The following GPHN variants were observed in gnomAD, a reference collection of about 807,000 sequenced individuals.
The protein encoded by GPHN is gephyrin.
A neutral mutation model predicts 95.5 loss-of-function variants in GPHN; 17 were observed. The observed-to-expected ratio is 0.18, with a 90% CI of 0.12 to 0.27. The LOEUF (loss-of-function observed/expected upper bound fraction) is 0.27, where lower values mean the gene tolerates loss of function less well. Among genes scored for constraint, GPHN ranks in the 10% least tolerant of loss-of-function variants. GPHN has a pLI of 1.00. For synonymous variants in GPHN, 320 were observed against 322.5 expected (o/e 0.99, Z 0.08); for missense variants, 660 against 978.1 (o/e 0.67, Z 4.34).
At chr14:66,933,756 A>G (rs2066950161) in intron 8 of GPHN, among the ~76,000 whole-genome samples, 2 of 152,230 alleles carry the variant, frequency 1.3e-5, no homozygotes, top group South Asian at 2.1e-4. Flanking sequence ...TTAAGAATTA[A>G]GTATTTGCAG....
At chr14:67,380,973 T>C in the GPHN span, among the ~76,000 whole-genome samples, 1 of 152,176 alleles carries the variant, frequency 6.6e-6, no homozygotes. Context: ...GTCTTGTGAG[T>C]TCAGCTAACC....
At chr14:67,058,551 G>A (rs1258998975) in intron 10 of GPHN, 98 bp from the exon 11 acceptor site, 1 of 1,025,536 alleles carries the variant, frequency 9.8e-7, no homozygotes, top group Non-Finnish European at 1.5e-6. Context: ...TCTTCATCTG[G>A]GGACATTTGA....
intron 1 of GPHN, among the ~76,000 whole-genome samples, chr14:66,542,461 A>G (rs982794456): frequency 6.6e-6 from 1 of 152,168 alleles, no homozygotes; most frequent in Non-Finnish European, 1.5e-5. Context: ...TACTCTGTCT[A>G]CCCATCTACC....
At chr14:66,542,253 T>C (rs139490200) in intron 1 of GPHN, among the ~76,000 whole-genome samples, 5 of 152,368 alleles carry the variant, frequency 3.3e-5, no homozygotes, top group South Asian at 2.1e-4. Context: ...AAGTATCAAG[T>C]GAGTCCTTAA....
At chr14:66,521,808 C>A (rs1287088464) in intron 1 of GPHN, among the ~76,000 whole-genome samples, 1 of 152,072 alleles carries the variant, frequency 6.6e-6, no homozygotes, top group Admixed American at 6.6e-5. Flanking sequence ...GGGGGACGCA[C>A]ACATTCAGAC....
chr14:66,602,877 T>C (rs1370591415), intron 1 of GPHN, among the ~76,000 whole-genome samples: 1 of 151,922 alleles, frequency 6.6e-6, no homozygotes, highest in Non-Finnish European at 1.5e-5. Context: ...CAAGAGTTAT[T>C]GAACATTTTG....
chr14:67,503,016 C>A, the GPHN span, among the ~76,000 whole-genome samples: 1 of 152,020 alleles, frequency 6.6e-6, no homozygotes, highest in African/African-American at 2.4e-5. Flanking sequence ...AAGATGAAAC[C>A]AATGTTCAGG....
At chr14:66,684,754 T>A (rs1048558014) in intron 2 of GPHN, among the ~76,000 whole-genome samples, 1 of 152,158 alleles carries the variant, frequency 6.6e-6, no homozygotes, top group African/African-American at 2.4e-5. Context: ...TTTTCTTTTT[T>A]TTTTTTCTTC....
chr14:67,301,743 A>T, the GPHN span, among the ~76,000 whole-genome samples: 1 of 152,182 alleles, frequency 6.6e-6, no homozygotes, highest in Non-Finnish European at 1.5e-5. Flanking sequence ...TAGGGTGTGT[A>T]GACCTTTACA....
intron 10 of GPHN, among the ~76,000 whole-genome samples, chr14:67,048,538 G>T (rs1022333262): frequency 1.8e-4 from 28 of 152,300 alleles, no homozygotes; most frequent in Middle Eastern, 3.4e-3. Context: ...TGTCAGTTTA[G>T]ATGTTATAAT....
At chr14:67,244,003 C>T in the GPHN span, among the ~76,000 whole-genome samples, 1 of 152,140 alleles carries the variant, frequency 6.6e-6, no homozygotes, top group Non-Finnish European at 1.5e-5. Context: ...TCTAAGTCTC[C>T]ATATTCTAAA....
At chr14:66,889,448 G>A (rs1286405457) in intron 5 of GPHN, among the ~76,000 whole-genome samples, 1 of 152,048 alleles carries the variant, frequency 6.6e-6, no homozygotes, top group Admixed American at 6.5e-5. Flanking sequence ...GATGAAGTTC[G>A]AAATCAGTGA....
At chr14:66,896,382 G>A (rs1465746079) in intron 5 of GPHN, among the ~76,000 whole-genome samples, 1 of 152,114 alleles carries the variant, frequency 6.6e-6, no homozygotes, top group Non-Finnish European at 1.5e-5. Context: ...ACTTTGGGAG[G>A]CTGAGGTGGG....
At chr14:67,070,750 G>C (rs2076269114) in intron 11 of GPHN, among the ~76,000 whole-genome samples, 1 of 135,778 alleles carries the variant, frequency 7.4e-6, no homozygotes, top group South Asian at 2.4e-4. Flanking sequence ...TTCTGTATAT[G>C]TGCTTTCAGG....
chr14:66,664,502 T>C (rs2065837522), intron 1 of GPHN, among the ~76,000 whole-genome samples: 1 of 152,038 alleles, frequency 6.6e-6, no homozygotes, highest in Non-Finnish European at 1.5e-5. Flanking sequence ...AGGAAATCTA[T>C]AGCAGTAAAT....
At chr14:67,732,129 A>C in the GPHN span, among the ~76,000 whole-genome samples, 13 of 118,314 alleles carry the variant, frequency 1.1e-4, no homozygotes, top group African/African-American at 3.9e-4. Context: ...TCTGTCTCAA[A>C]AAAAAAAAAA....
At chr14:67,303,265 T>C in the GPHN span, among the ~76,000 whole-genome samples, 1 of 152,240 alleles carries the variant, frequency 6.6e-6, no homozygotes, top group African/African-American at 2.4e-5. Flanking sequence ...ACTAGATTTA[T>C]GGTCCTAGTT....
the GPHN span, among the ~76,000 whole-genome samples, chr14:67,659,527 G>A: frequency 6.6e-6 from 1 of 151,328 alleles, no homozygotes; most frequent in Non-Finnish European, 1.5e-5. Context: ...ATCTAAATAT[G>A]CATATAGTTC....
chr14:67,151,561 C>T (rs374908557), intron 18 of GPHN, among the ~76,000 whole-genome samples: 1 of 152,258 alleles, frequency 6.6e-6, no homozygotes, highest in Admixed American at 6.5e-5. Flanking sequence ...ATAGAGAAAC[C>T]AAAAGTTACC....
Sources: allele counts gnomAD v4.1 joint callset (sites outside exome capture counted in the v4.1 genomes callset), GRCh38; gene constraint gnomAD v4.1.1; transcripts MANE v1.5; gene names NCBI Gene and HGNC (gene_info 2026-07-23, HGNC 2026-07-21).